TENM3: variants seen among roughly 807,000 people sequenced by gnomAD.
The protein encoded by TENM3 is teneurin-3.
In TENM3, 63 loss-of-function variants were observed where a neutral mutation model predicts 255.1. The observed-to-expected ratio is 0.25, with a 90% confidence interval of 0.20 to 0.30. The LOEUF is 0.30. Ranked by LOEUF, TENM3 falls within the 10% of genes least tolerant of loss-of-function variation. The pLI is 1.00. For synonymous variants in TENM3, 1,306 were observed against 1,322.3 expected (o/e 0.99, Z 0.27); for missense variants, 2,929 against 3,461.1 (o/e 0.85, Z 3.86).
intron 3 of TENM3, among the ~76,000 whole-genome samples, chr4:182,383,331 T>C (rs1218726861): frequency 6.6e-6 from 1 of 152,084 alleles, no homozygotes; most frequent in Admixed American, 6.5e-5. Context: ...ATCTGGGCTA[T>C]GTGGGCCCAG....
intron 6 of TENM3, among the ~76,000 whole-genome samples, chr4:182,665,361 T>G (rs1339363946): frequency 6.6e-6 from 1 of 152,216 alleles, no homozygotes; most frequent in Non-Finnish European, 1.5e-5. Flanking sequence ...GCTTTCAAAA[T>G]ATTACTTCTC....
the TENM3 span, among the ~76,000 whole-genome samples, chr4:181,570,007 TA>T: frequency 6.7e-6 from 1 of 149,254 alleles, no homozygotes; most frequent in African/African-American, 2.5e-5. Flanking sequence ...CTGGGCAACC[TA>T]ACAAGACACC....
At position 182,799,954 on chromosome 4, in the gene TENM3, G is replaced by A. The variant is rs200859700; in HGVS notation, c.7703G>A (p.Arg2568His). ...DLGTLRLTSG[R>H]KALENGINVT... Reference sequence around the variant, plus strand: ...GGCACGCTGCGGTTGACCAGCGGCCGCAAGGCGCTGGAGAACGGCATCAAC... The same window carrying A: ...GGCACGCTGCGGTTGACCAGCGGCCACAAGGCGCTGGAGAACGGCATCAAC... Residue 2568 changes from arginine to histidine, a missense_variant, in exon 28 of 28, where the codon CGC (arginine) becomes CAC (histidine). Coordinates refer to ENST00000511685, the MANE Select transcript of TENM3 (RefSeq NM_001080477.4). This position sits in a 1 kb window ranked among gnomAD's most constrained non-coding sequence, Gnocchi z 4.2. The A allele has an allele frequency of 9.1e-4, 1,451 of 1,591,988 alleles. 8 individuals are homozygous for A. In the African/African-American group the frequency reaches 0.017, roughly 18 times the overall value.
At chr4:182,126,934 A>T in the TENM3 span, among the ~76,000 whole-genome samples, 2 of 152,208 alleles carry the variant, frequency 1.3e-5, no homozygotes, top group African/African-American at 4.8e-5. Flanking sequence ...ATCACATTGC[A>T]TAGCCACAAA....
chr4:181,618,667 C>A, the TENM3 span, among the ~76,000 whole-genome samples: 3 of 152,202 alleles, frequency 2.0e-5, no homozygotes, highest in African/African-American at 7.2e-5. Context: ...AAACTTATTT[C>A]TCTTGGGATT....
At chr4:181,573,142 T>C in the TENM3 span, among the ~76,000 whole-genome samples, 1 of 152,230 alleles carries the variant, frequency 6.6e-6, no homozygotes, top group Non-Finnish European at 1.5e-5. Context: ...CATTCATCTG[T>C]TGATGGGCAC....
the TENM3 span, among the ~76,000 whole-genome samples, chr4:181,714,331 A>C: frequency 6.6e-6 from 1 of 152,192 alleles, no homozygotes; most frequent in African/African-American, 2.4e-5. Flanking sequence ...AGTCCCAGCT[A>C]CTTGGGAGGC....
chr4:182,024,183 A>G, the TENM3 span, among the ~76,000 whole-genome samples: 19 of 152,278 alleles, frequency 1.2e-4, no homozygotes, highest in South Asian at 3.3e-3. Flanking sequence ...AAGAAAAAAT[A>G]TTTTTTCTTA....
At chr4:181,757,204 A>T in the TENM3 span, among the ~76,000 whole-genome samples, 1 of 152,236 alleles carries the variant, frequency 6.6e-6, no homozygotes, top group Non-Finnish European at 1.5e-5. Context: ...TAGAAGCCAC[A>T]ATACACACTT....
chr4:182,352,241 G>C (rs1452485922), intron 3 of TENM3, among the ~76,000 whole-genome samples: 1 of 151,966 alleles, frequency 6.6e-6, no homozygotes, highest in African/African-American at 2.4e-5. Flanking sequence ...ACCATTTATT[G>C]ACTCTCTTAT....
chr4:182,303,474 C>T (rs572451040), intron 1 of TENM3, among the ~76,000 whole-genome samples: 11 of 152,106 alleles, frequency 7.2e-5, no homozygotes, highest in East Asian at 3.9e-4. Context: ...CACAATAAAG[C>T]GTAAGAATTG....
At chr4:182,476,450 A>G (rs1487422825) in intron 3 of TENM3, among the ~76,000 whole-genome samples, 5 of 152,150 alleles carry the variant, frequency 3.3e-5, no homozygotes, top group South Asian at 2.1e-4. Context: ...TTTATTGTCA[A>G]TGTTTTGAAG....
intron 3 of TENM3, among the ~76,000 whole-genome samples, chr4:182,595,705 C>T (rs1747147328): frequency 6.6e-6 from 1 of 151,918 alleles, no homozygotes; most frequent in African/African-American, 2.4e-5. Flanking sequence ...TTTCTCATAA[C>T]CATGGTACCG....
At chr4:181,809,518 A>G in the TENM3 span, among the ~76,000 whole-genome samples, 6 of 152,134 alleles carry the variant, frequency 3.9e-5, no homozygotes, top group African/African-American at 1.4e-4. Context: ...GGAGTTGGAC[A>G]TCCCTGATTC....
intron 3 of TENM3, among the ~76,000 whole-genome samples, chr4:182,525,862 T>C (rs1344680713): frequency 6.6e-6 from 1 of 152,242 alleles, no homozygotes; most frequent in African/African-American, 2.4e-5. Flanking sequence ...TCAAGCCTCA[T>C]GAGAGGACAT....
At chr4:181,704,245 C>A in the TENM3 span, among the ~76,000 whole-genome samples, 2 of 152,196 alleles carry the variant, frequency 1.3e-5, no homozygotes, top group African/African-American at 2.4e-5. Context: ...TGAGCCCACC[C>A]AAAGAACCTC....
chr4:182,488,410 A>G (rs1010456807), intron 3 of TENM3, among the ~76,000 whole-genome samples: 1 of 152,216 alleles, frequency 6.6e-6, no homozygotes, highest in African/African-American at 2.4e-5. Context: ...GTGACTAAAT[A>G]TAGCAGGAAA....
chr4:182,244,946 A>T (rs1757544662), intron 1 of TENM3, among the ~76,000 whole-genome samples: 1 of 152,242 alleles, frequency 6.6e-6, no homozygotes, highest in African/African-American at 2.4e-5. Context: ...TTAAATTTCT[A>T]GAGTCTCTTT....
chr4:182,492,933 A>T (rs982974332), intron 3 of TENM3, among the ~76,000 whole-genome samples: 2 of 151,964 alleles, frequency 1.3e-5, no homozygotes, highest in African/African-American at 4.8e-5. Context: ...TCAGCAAAGG[A>T]TATTACAAGG....
Sources: gnomAD v4.1 joint callset for allele counts (sites outside exome capture counted in the v4.1 genomes callset) on GRCh38, gnomAD v4.1.1 for gene constraint, Gnocchi (gnomAD v3.1) non-coding constraint, MANE v1.5 for transcripts, NCBI Gene and HGNC (gene_info 2026-07-23, HGNC 2026-07-21) for gene names.